RBFOX3: variants seen among roughly 807,000 people sequenced by gnomAD.
RBFOX3 encodes the protein RNA binding fox-1 homolog 3, also known as RNA binding protein fox-1 homolog 3.
A neutral mutation model predicts 48.7 loss-of-function variants in RBFOX3; 17 were observed. The observed-to-expected ratio is 0.35, with a 90% CI of 0.24 to 0.52. The LOEUF (loss-of-function observed/expected upper bound fraction) is 0.52, where lower values mean the gene tolerates loss of function less well. Ranked by LOEUF, RBFOX3 falls within the 20% of genes least tolerant of loss-of-function variation. The pLI, the probability that RBFOX3 is intolerant of heterozygous loss-of-function variation, is 0.94. For missense variants in RBFOX3, 382 were observed against 497.5 expected (o/e 0.77, Z 2.21); for synonymous variants, 212 against 209.5 (o/e 1.01, Z -0.10).
chr17:79,181,422 C>G (rs568953382), intron 4 of RBFOX3, among the ~76,000 whole-genome samples: 3 of 152,314 alleles, frequency 2.0e-5, no homozygotes, highest in Admixed American at 6.5e-5. Context: ...AACCTGACCT[C>G]GGAGGCCTAT....
intron 1 of RBFOX3, among the ~76,000 whole-genome samples, chr17:79,551,056 G>T (rs1487288051): frequency 6.6e-6 from 1 of 152,192 alleles, no homozygotes; most frequent in Non-Finnish European, 1.5e-5. Context: ...CTGAACAAAA[G>T]AAATTTTATT....
intron 2 of RBFOX3, among the ~76,000 whole-genome samples, chr17:79,359,511 G>C (rs1473019679): frequency 6.6e-6 from 1 of 152,110 alleles, no homozygotes; most frequent in Non-Finnish European, 1.5e-5. Context: ...GGAAGGGCAC[G>C]GCACCTGCCT....
chr17:79,399,253 A>G (rs1397740409), intron 2 of RBFOX3, among the ~76,000 whole-genome samples: 3 of 152,176 alleles, frequency 2.0e-5, no homozygotes, highest in African/African-American at 7.2e-5. Context: ...AGTTTGTTAC[A>G]GCGGCCACAG....
chr17:79,113,328 CCT>C (rs1356304269), intron 5 of RBFOX3, among the ~76,000 whole-genome samples: 2 of 152,130 alleles, frequency 1.3e-5, no homozygotes, highest in Non-Finnish European at 1.5e-5. Context: ...GAGCGCATGG[CCT>C]CTGAGGAGGC....
chr17:79,435,643 C>G (rs563388596), intron 2 of RBFOX3, among the ~76,000 whole-genome samples: 3 of 151,078 alleles, frequency 2.0e-5, no homozygotes, highest in Non-Finnish European at 2.9e-5. Context: ...CGTTGGTCCC[C>G]GGGCTCAGGC....
chr17:79,201,992 C>T (rs1219873374), intron 4 of RBFOX3, among the ~76,000 whole-genome samples: 1 of 152,220 alleles, frequency 6.6e-6, no homozygotes, highest in Non-Finnish European at 1.5e-5. Flanking sequence ...TCTCATCCTC[C>T]TCCTCCTGCC....
intron 4 of RBFOX3, among the ~76,000 whole-genome samples, chr17:79,143,373 C>CGGG (rs915971467): frequency 1.3e-4 from 1 of 7,970 alleles, no homozygotes; most frequent in African/African-American, 4.6e-4. Flanking sequence ...GTTGGTGGAG[C>CGGG]GGGGGGTGGG....
chr17:79,131,595 G>A (rs1405155939), intron 4 of RBFOX3, among the ~76,000 whole-genome samples: 2 of 152,200 alleles, frequency 1.3e-5, no homozygotes, highest in Admixed American at 6.5e-5. Flanking sequence ...AGGAAGCCAC[G>A]GATCATGTTT....
chr17:79,651,005 C>T, the RBFOX3 span, among the ~76,000 whole-genome samples: 1 of 152,240 alleles, frequency 6.6e-6, no homozygotes, highest in African/African-American at 2.4e-5. Context: ...AACACCCCAG[C>T]TCCGCCAGCG....
chr17:79,602,563 A>G (rs2093729503), intron 1 of RBFOX3, among the ~76,000 whole-genome samples: 1 of 152,186 alleles, frequency 6.6e-6, no homozygotes, highest in Non-Finnish European at 1.5e-5. Flanking sequence ...TCGGGTCTCT[A>G]GTTCCACTTC....
At chr17:79,280,222 C>T (rs982715296) in intron 3 of RBFOX3, among the ~76,000 whole-genome samples, 1 of 85,084 alleles carries the variant, frequency 1.2e-5, no homozygotes, top group Non-Finnish European at 2.3e-5. Flanking sequence ...CAAACATGCA[C>T]ACACACGCAC....
rs542171889 is a variant in RBFOX3, at chr17:79,364,687, C to T, written c.-174-56863G>A. ...CTGTTTGCTTTCTGGTGGGGAAGCA[C>T]GCTCTCCACTGATGGGGGACACCAT... On this transcript the variant is annotated intron_variant, in intron 2 of 14. Transcript: ENST00000693108. This position sits in a 1 kb window ranked among gnomAD's most constrained non-coding sequence, Gnocchi z 5.1. Among the ~76,000 whole-genome samples, 14 of 152,106 alleles carry T rather than the reference C, an allele frequency of 9.2e-5. No individual in the cohort carries two copies. Among genetic ancestry groups the T allele is most frequent in the Admixed American group, 1.3e-4 (2 of 15,276 alleles).
intron 3 of RBFOX3, among the ~76,000 whole-genome samples, chr17:79,292,521 T>C (rs954301481): frequency 6.6e-6 from 1 of 151,792 alleles, no homozygotes; most frequent in African/African-American, 2.4e-5. Context: ...AAAATGTTAG[T>C]CTATAATGGA....
intron 1 of RBFOX3, among the ~76,000 whole-genome samples, chr17:79,552,048 ACATGATGCTGACGTTGGTC>A (rs1336503905): frequency 1.3e-5 from 2 of 152,220 alleles, no homozygotes; most frequent in Admixed American, 1.3e-4. Context: ...ATAAGCCCTT[ACATGATGCTGACGTTGGTC>A]CAAGGACAAT....
the RBFOX3 span, among the ~76,000 whole-genome samples, chr17:79,617,616 A>C: frequency 1.3e-5 from 2 of 152,192 alleles, no homozygotes; most frequent in Non-Finnish European, 2.9e-5. Context: ...GTTGCACGTC[A>C]GCATCTCCAC....
intron 2 of RBFOX3, among the ~76,000 whole-genome samples, chr17:79,331,680 G>A (rs4789889): frequency 0.11 from 16,705 of 152,198 alleles, 1,017 homozygotes; most frequent in East Asian, 0.2. Context: ...CACCTGCCCC[G>A]GGGCTGGGCA....
chr17:79,174,178 G>A (rs1376164431), intron 4 of RBFOX3, among the ~76,000 whole-genome samples: 1 of 152,116 alleles, frequency 6.6e-6, no homozygotes, highest in African/African-American at 2.4e-5. Flanking sequence ...AAGGTTTCCT[G>A]GGGCAGGGAC....
At chr17:79,534,191 G>C (rs535151516) in intron 1 of RBFOX3, among the ~76,000 whole-genome samples, 1 of 152,194 alleles carries the variant, frequency 6.6e-6, no homozygotes, top group South Asian at 2.1e-4. Context: ...TTCTACAATA[G>C]TGAAAAACGA....
intron 4 of RBFOX3, among the ~76,000 whole-genome samples, chr17:79,232,029 C>T (rs565159572): frequency 9.2e-5 from 14 of 152,192 alleles, no homozygotes; most frequent in Non-Finnish European, 1.6e-4. Flanking sequence ...ACAGAATGAG[C>T]GCAAGCAGGG....
Sources: gnomAD v4.1 joint callset for allele counts (sites outside exome capture counted in the v4.1 genomes callset) on GRCh38, gnomAD v4.1.1 for gene constraint, Gnocchi (gnomAD v3.1) non-coding constraint, MANE v1.5 for transcripts, NCBI Gene and HGNC (gene_info 2026-07-23, HGNC 2026-07-21) for gene names.